Variants in ARSF observed in about 807,000 individuals in gnomAD.
The protein encoded by ARSF is arylsulfatase F.
A neutral mutation model predicts 35.4 loss-of-function variants in ARSF; 33 were observed. That is an observed-to-expected ratio of 0.93 (90% CI 0.71 to 1.25). The LOEUF (loss-of-function observed/expected upper bound fraction) is 1.25. ARSF is among the 50% of genes most tolerant of loss of function. The probability of loss-of-function intolerance (pLI) is 0.00; values close to 1 mark genes in which losing one functional copy is unlikely to be tolerated. For synonymous variants in ARSF, 222 were observed against 193.1 expected (o/e 1.15, Z -1.24); for missense variants, 501 against 480.2 (o/e 1.04, Z -0.40).
intron 2 of ARSF, 59 bp from the exon 3 acceptor site, chrX:3,071,967 T>C: frequency 2.6e-6 from 3 of 1,160,754 alleles, no homozygotes; most frequent in Non-Finnish European, 3.5e-6. Flanking sequence ...TGTTGGGAGG[T>C]GGATCCTGAA....
At chrX:3,079,187 ATGTTTCTAT>A (rs1479471298) in intron 4 of ARSF, among the ~76,000 whole-genome samples, 1 of 111,065 alleles carries the variant, frequency 9.0e-6, no homozygotes, top group African/African-American at 3.3e-5. Context: ...GGCAGTCAAG[ATGTTTCTAT>A]TGTTTAGTGA....
At chrX:3,103,729 A>T (rs769703931) in intron 8 of ARSF, 33 bp from the exon 9 acceptor site, 5 of 1,202,948 alleles carry the variant, frequency 4.2e-6, no homozygotes, top group Non-Finnish European at 5.6e-6. Flanking sequence ...TTAACTAGGC[A>T]CAATAATTGA....
intron 5 of ARSF, 66 bp downstream of exon 5, chrX:3,081,079 A>G: frequency 8.7e-7 from 1 of 1,153,531 alleles, no homozygotes; most frequent in Non-Finnish European, 1.2e-6. Flanking sequence ...TCTACCCTTG[A>G]TTTATGACTT....
At chrX:3,106,393 G>C (rs1248632328) in intron 9 of ARSF, among the ~76,000 whole-genome samples, 1 of 111,777 alleles carries the variant, frequency 8.9e-6, no homozygotes. Context: ...GCATTGACCA[G>C]TTAAATATGT....
At chrX:3,041,439 C>A (rs1284955110), upstream of ARSF, 1 of 108,901 alleles carries the variant, frequency 9.2e-6, no homozygotes, top group African/African-American at 3.3e-5. Flanking sequence ...TACAGACGTG[C>A]GCCACCACGT....
At chrX:3,093,990 G>C (rs1052036045) in intron 7 of ARSF, among the ~76,000 whole-genome samples, 4 of 111,456 alleles carry the variant, frequency 3.6e-5, no homozygotes, top group Non-Finnish European at 5.7e-5. Flanking sequence ...ATAGATTATA[G>C]ATGGATACAT....
chrX:3,050,834 T>G (rs1431504739), intron 1 of ARSF, among the ~76,000 whole-genome samples: 2 of 111,036 alleles, frequency 1.8e-5, no homozygotes, highest in Non-Finnish European at 3.8e-5. Flanking sequence ...CCTTACCAGC[T>G]GAATGTTCCT....
chrX:3,083,481 CCTAT>C (rs746160970), intron 5 of ARSF, among the ~76,000 whole-genome samples: 14,161 of 93,286 alleles, frequency 0.15, 971 homozygotes, highest in Non-Finnish European at 0.19. Context: ...TCTCCTCTAT[CCTAT>C]CTATCTATCT....
intron 1 of ARSF, among the ~76,000 whole-genome samples, chrX:3,044,805 G>T (rs749693897): frequency 8.2e-5 from 9 of 109,098 alleles, no homozygotes; most frequent in Non-Finnish European, 1.5e-4. Flanking sequence ...GGTCCTTATG[G>T]GCACAGGATA....
chrX:3,061,549 GAGACCCATCTCATGTGC>G (rs1408960701), intron 1 of ARSF, among the ~76,000 whole-genome samples: 1 of 111,248 alleles, frequency 9.0e-6, no homozygotes, highest in Non-Finnish European at 1.9e-5. Context: ...CTGTATTCAG[GAGACCCATCTCATGTGC>G]AGAGACACAT....
intron 4 of ARSF, among the ~76,000 whole-genome samples, chrX:3,076,878 C>T (rs1325971287): frequency 9.0e-6 from 1 of 111,566 alleles, no homozygotes; most frequent in African/African-American, 3.3e-5. Flanking sequence ...GACCCCATCT[C>T]CACAAAATTT....
At chrX:3,084,214 C>T (rs1263251517) in intron 5 of ARSF, 29 bp from the exon 6 acceptor site, 6 of 1,199,776 alleles carry the variant, frequency 5.0e-6, no homozygotes, top group Admixed American at 4.4e-5. Flanking sequence ...CATATTGATG[C>T]GTAGATGTGT....
intron 7 of ARSF, among the ~76,000 whole-genome samples, chrX:3,098,046 C>A (rs866232401): frequency 2.9e-5 from 1 of 34,334 alleles, no homozygotes; most frequent in Admixed American, 3.6e-4. Flanking sequence ...CATACACACA[C>A]AACACACACA....
At chrX:3,098,692 A>G (rs768436702) in intron 7 of ARSF, among the ~76,000 whole-genome samples, 1 of 111,317 alleles carries the variant, frequency 9.0e-6, no homozygotes, top group East Asian at 2.8e-4. Flanking sequence ...CTTTTTCTTT[A>G]TAAGTTACCC....
intron 6 of ARSF, 45 bp downstream of exon 6, chrX:3,084,711 C>G: frequency 9.1e-7 from 1 of 1,102,823 alleles, no homozygotes; most frequent in South Asian, 2.2e-5. Flanking sequence ...ATAATGATCT[C>G]TTTTTTAAAA....
At chrX:3,108,958 T>C (rs1424830853) in intron 9 of ARSF, among the ~76,000 whole-genome samples, 2 of 110,666 alleles carry the variant, frequency 1.8e-5, no homozygotes, top group Non-Finnish European at 3.8e-5. Flanking sequence ...GGAGGTTGCA[T>C]TGAGCCGAGA....
chrX:3,048,530 C>G (rs1300238941), intron 1 of ARSF, among the ~76,000 whole-genome samples: 1 of 112,291 alleles, frequency 8.9e-6, no homozygotes, highest in East Asian at 2.8e-4. Flanking sequence ...AGAATGTAAC[C>G]TTTTGTCTCG....
At chrX:3,080,103 T>G (rs771451967) in intron 4 of ARSF, among the ~76,000 whole-genome samples, 2 of 109,045 alleles carry the variant, frequency 1.8e-5, no homozygotes, top group Non-Finnish European at 3.8e-5. Context: ...CAGATAGCGG[T>G]TCTTGGAGGC....
In ARSF at chrX:3,079,342, A is replaced by AT. The variant is rs57390116; in HGVS notation, c.284-1529dup. Among the ~76,000 whole-genome samples the AT allele has an allele frequency of 3.8e-3, 272 of 71,138 alleles. 1 individual carries two copies. The highest frequency in any genetic ancestry group is 0.012 in the African/African-American group (217 of 18,270). 61.8% of individuals were successfully genotyped at this position (71,138 alleles called of 115,157 possible). A position where few individuals can be genotyped will look rare whatever the true frequency, so the allele number is the denominator to read the frequency against. ...TGAAATTGTTGGGTTGCATGGTTCT[A>AT]TTTTTTTTTTTTTTTTTTTTCAGAT... On this transcript the variant is annotated intron_variant, in intron 4 of 10. Transcript: ENST00000381127.
Sources: gnomAD v4.1 joint callset for allele counts (sites outside exome capture counted in the v4.1 genomes callset) on GRCh38, gnomAD v4.1.1 for gene constraint, MANE v1.5 for transcripts, NCBI Gene and HGNC (gene_info 2026-07-23, HGNC 2026-07-21) for gene names.